The following DAW1 variants were observed in gnomAD, a reference collection of about 807,000 sequenced individuals.
The protein encoded by DAW1 is dynein assembly factor with WD repeats 1, also known as dynein assembly factor with WD repeat domains 1.
A neutral mutation model predicts 56.5 loss-of-function variants in DAW1; 47 were observed. That is an observed-to-expected ratio of 0.83 (90% confidence interval 0.66 to 1.06). The LOEUF is 1.06. Ranked by LOEUF, DAW1 falls within the 50% of genes least tolerant of loss-of-function variation. The pLI, the probability that DAW1 is intolerant of heterozygous loss-of-function variation, is 0.00. For missense variants in DAW1, 505 were observed against 499.3 expected, an observed-to-expected ratio of 1.01 and a Z score of -0.11; for synonymous variants, 190 against 179.0, an observed-to-expected ratio of 1.06 and a Z score of -0.49.
At chr2:227,905,900 G>A (rs529128212) in intron 8 of DAW1, among the ~76,000 whole-genome samples, 84 of 152,186 alleles carry the variant, frequency 5.5e-4, no homozygotes, top group Middle Eastern at 6.8e-3. Flanking sequence ...GACTACAGGC[G>A]CCCACCACCA....
chr2:227,893,338 A>G (rs1691318943), intron 4 of DAW1, among the ~76,000 whole-genome samples: 1 of 151,142 alleles, frequency 6.6e-6, no homozygotes, highest in Admixed American at 6.6e-5. Context: ...TTCTCAATTT[A>G]ACTTTTTGTT....
chr2:227,902,055 G>A (rs575341971), intron 6 of DAW1, among the ~76,000 whole-genome samples: 14 of 152,136 alleles, frequency 9.2e-5, no homozygotes, highest in Non-Finnish European at 1.6e-4. Flanking sequence ...TGTTGAGGAG[G>A]GGTGAGGATG....
At chr2:227,883,758 A>G (rs1691062538) in intron 1 of DAW1, among the ~76,000 whole-genome samples, 1 of 152,250 alleles carries the variant, frequency 6.6e-6, no homozygotes, top group Non-Finnish European at 1.5e-5. Context: ...GTTAAAGTAT[A>G]AAACAGTGCT....
intron 5 of DAW1, 130 bp from the exon 6 acceptor site, chr2:227,898,052 C>G (rs1691455484): frequency 2.4e-6 from 1 of 415,492 alleles, no homozygotes. Context: ...TCCACTGAAA[C>G]AAATTTAAGA....
At chr2:227,904,781 A>G in intron 7 of DAW1, 148 bp from the exon 8 acceptor site, 1 of 590,470 alleles carries the variant, frequency 1.7e-6, no homozygotes, top group Non-Finnish European at 2.9e-6. Context: ...CCACGTGCAG[A>G]CACTCCCCAT....
At chr2:227,922,740 G>A (rs1692141898) in intron 12 of DAW1, among the ~76,000 whole-genome samples, 1 of 152,128 alleles carries the variant, frequency 6.6e-6, no homozygotes, top group Non-Finnish European at 1.5e-5. Context: ...GAAATCACAG[G>A]GCTTACGATC....
intron 1 of DAW1, among the ~76,000 whole-genome samples, chr2:227,884,851 C>T (rs1458328753): frequency 6.6e-6 from 1 of 152,100 alleles, no homozygotes; most frequent in African/African-American, 2.4e-5. Flanking sequence ...GGTCCCAGGA[C>T]TTTGTTGATG....
intron 10 of DAW1, among the ~76,000 whole-genome samples, chr2:227,917,625 T>G (rs1026149472): frequency 1.3e-5 from 2 of 152,178 alleles, no homozygotes; most frequent in Non-Finnish European, 2.9e-5. Flanking sequence ...GGCCATATTA[T>G]TTCTGAGTTT....
rs758512535 is a variant in DAW1 at position 227,918,863 on chromosome 2, C to T, written c.1050+7C>T. 21 of 1,613,570 alleles carry T rather than the reference C, an allele frequency of 1.3e-5. No individual in the cohort carries two copies. The highest frequency in any genetic ancestry group is 2.2e-5 in the South Asian group (2 of 91,062). On this transcript the variant is annotated splice_region_variant and intron_variant, in intron 11 of 12. Transcript: ENST00000309931. The stretch of plus-strand genomic sequence containing the variant: ...TGAAGGTGAAATTTCAAAGGTGAGT[C>T]GCTTTCTCATTTGGAGGAGTTTATT...
At position 227,906,278 on chromosome 2, in the gene DAW1, T is replaced by C. The variant is rs144400114; in HGVS notation, c.798T>C (p.Ser266=). 32 of 1,613,700 alleles carry C rather than the reference T, an allele frequency of 2.0e-5. No homozygotes were observed. The Middle Eastern group carries it at 6.6e-4, about 33-fold the overall frequency. The part of the protein sequence containing the change: ...ILIGHCAEIS[S]ASFNWDCSLI... ...TTGGTCATTGTGCTGAGATTAGCAGTGCCTCATTCAATTGGGATTGCTCTC... is the reference window on the plus strand; with the variant it reads ...TTGGTCATTGTGCTGAGATTAGCAGCGCCTCATTCAATTGGGATTGCTCTC... Residue 266 remains serine (S), a synonymous_variant, in exon 9 of 13, where the codon AGT becomes AGC. Coordinates refer to ENST00000309931, the MANE Select transcript of DAW1 (RefSeq NM_178821.3).
chr2:227,879,547 G>A (rs1238154420), intron 1 of DAW1, among the ~76,000 whole-genome samples: 1 of 151,848 alleles, frequency 6.6e-6, no homozygotes, highest in Non-Finnish European at 1.5e-5. Context: ...ATTTATTTTA[G>A]ACGAATTTGT....
At chr2:227,896,894 T>C (rs1691423222) in intron 5 of DAW1, among the ~76,000 whole-genome samples, 1 of 151,432 alleles carries the variant, frequency 6.6e-6, no homozygotes, top group African/African-American at 2.4e-5. Flanking sequence ...TGATAAAGAA[T>C]GTACATAGTG....
At chr2:227,898,555 C>T (rs980554197) in intron 6 of DAW1, among the ~76,000 whole-genome samples, 1 of 152,064 alleles carries the variant, frequency 6.6e-6, no homozygotes, top group African/African-American at 2.4e-5. Context: ...CTCTTGACCT[C>T]GTGATCCACC....
intron 1 of DAW1, chr2:227,876,606 C>T: frequency 1.2e-6 from 1 of 860,376 alleles, no homozygotes; most frequent in Non-Finnish European, 1.6e-6. Context: ...GCCTCCTAAT[C>T]CTCTAATTTT....
In DAW1 at chr2:227,921,476, T is replaced by A. The variant is rs373848791; in HGVS notation, c.1128T>A (p.Thr376=). Residue 376 remains threonine, a synonymous_variant, in exon 12 of 13, where the codon ACT becomes ACA. Transcript: ENST00000309931. ...CGGCTAGAATCTGGGATGCTCAGAC[T>A]GGCCAGTGCCTCCAGGTTCTTGAGG... ...DKTARIWDAQ[T]GQCLQVLEGH... is the part of the protein sequence containing the mutation. 1.2e-5 allele frequency: 19 copies of A among 1,613,982 alleles called. No homozygotes were observed. Among genetic ancestry groups the A allele is most frequent in the Non-Finnish European group, 1.6e-5 (19 of 1,180,026 alleles).
At position 227,907,271 on chromosome 2, in the gene DAW1, CT is replaced by C; in HGVS notation, c.973+23del. The stretch of plus-strand genomic sequence containing the variant: ...GCTGATGGTAGGTGATCTGTTCATT[CT>C]TTTAATTTTTGGAGAGATTTATGCT... On this transcript the variant is annotated intron_variant, in intron 10 of 12. Transcript: ENST00000309931. The C allele has an allele frequency of 6.3e-7, 1 of 1,591,058 alleles. No individual in the cohort carries two copies. Among genetic ancestry groups the C allele is most frequent in the Non-Finnish European group, 8.6e-7 (1 of 1,164,154 alleles).
rs1336881028 is a variant in DAW1 at position 227,913,924 on chromosome 2, TA to T, written c.974-4855del. Among the ~76,000 whole-genome samples, 208 of 117,526 alleles carry T rather than the reference TA, an allele frequency of 1.8e-3. 2 individuals carry two copies. Among genetic ancestry groups the T allele is most frequent in the African/African-American group, 5.6e-3 (178 of 32,056 alleles). 77.1% of individuals were successfully genotyped at this position (117,526 alleles called of 152,430 possible). On this transcript the variant is annotated intron_variant, in intron 10 of 12. Transcript: ENST00000309931. ...CTGTCTGTCTGTCTGTCTGTCTATC[TA>T]TCTTCATCATCATCATCATCATCAT...
intron 2 of DAW1, 60 bp downstream of exon 2, chr2:227,885,483 A>G: frequency 7.8e-7 from 1 of 1,283,176 alleles, no homozygotes; most frequent in Non-Finnish European, 1.1e-6. Context: ...ACACAGAGTG[A>G]TGTGTGGATG....
At chr2:227,922,273 C>G (rs544552636) in intron 12 of DAW1, among the ~76,000 whole-genome samples, 1 of 152,218 alleles carries the variant, frequency 6.6e-6, no homozygotes, top group South Asian at 2.1e-4. Flanking sequence ...GTTGTTTTCT[C>G]CCCTGCTAAA....
Sources: gnomAD v4.1 joint callset for allele counts (sites outside exome capture counted in the v4.1 genomes callset) on GRCh38, gnomAD v4.1.1 for gene constraint, MANE v1.5 for transcripts, NCBI Gene and HGNC (gene_info 2026-07-23, HGNC 2026-07-21) for gene names.